The following TBXAS1 variants were observed in gnomAD, a reference collection of about 807,000 sequenced individuals.
The protein encoded by TBXAS1 is thromboxane A synthase 1.
Under a neutral mutation model 60.7 loss-of-function variants are expected in TBXAS1, and 48 were observed. The ratio of observed to expected loss-of-function variants is 0.79; its 90% CI spans 0.63 to 1.01. TBXAS1 has a LOEUF of 1.01. Ranked by LOEUF, TBXAS1 falls within the 50% of genes least tolerant of loss-of-function variation. TBXAS1 has a pLI of 0.00. For synonymous variants in TBXAS1, 287 were observed against 269.7 expected, an observed-to-expected ratio of 1.06 and a Z score of -0.63; for missense variants, 685 against 686.3, an observed-to-expected ratio of 1.00 and a Z score of 0.02.
intron 3 of TBXAS1, among the ~76,000 whole-genome samples, chr7:139,878,708 C>T (rs1027623428): frequency 2.0e-5 from 3 of 152,228 alleles, no homozygotes; most frequent in Non-Finnish European, 4.4e-5. Flanking sequence ...ATGGACTATG[C>T]TCAATGAACA....
intron 9 of TBXAS1, among the ~76,000 whole-genome samples, chr7:139,969,457 CAAAAAAAAAAA>C (rs71170928): frequency 1.4e-4 from 14 of 101,034 alleles, no homozygotes; most frequent in African/African-American, 2.7e-4. Context: ...TATGTGCTTA[CAAAAAAAAAAA>C]AAAAAAAAAA....
intron 4 of TBXAS1, among the ~76,000 whole-genome samples, chr7:139,918,977 C>A (rs118098963): frequency 1.3e-5 from 2 of 151,680 alleles, no homozygotes; most frequent in African/African-American, 4.8e-5. Flanking sequence ...TTTTTTTTTA[C>A]ATTTTAATTT....
At chr7:140,006,765 G>A (rs998124416) in intron 9 of TBXAS1, among the ~76,000 whole-genome samples, 1 of 152,184 alleles carries the variant, frequency 6.6e-6, no homozygotes, top group East Asian at 1.9e-4. Context: ...CATCAAATGC[G>A]GTAACGTCTA....
At chr7:139,964,725 A>G (rs1047607616) in intron 9 of TBXAS1, among the ~76,000 whole-genome samples, 2 of 152,258 alleles carry the variant, frequency 1.3e-5, no homozygotes, top group South Asian at 2.1e-4. Flanking sequence ...TCCATCGCCA[A>G]TTGAGAAGCA....
intron 1 of TBXAS1, among the ~76,000 whole-genome samples, chr7:139,841,541 A>G (rs1032528015): frequency 3.3e-5 from 5 of 151,220 alleles, no homozygotes; most frequent in African/African-American, 4.9e-5. Flanking sequence ...ACTTCGATTT[A>G]ATAACTCAGT....
intron 4 of TBXAS1, among the ~76,000 whole-genome samples, chr7:139,923,088 TG>T (rs1429618874): frequency 6.6e-6 from 1 of 152,080 alleles, no homozygotes; most frequent in Non-Finnish European, 1.5e-5. Context: ...AAGGCCAAGG[TG>T]GGGGAATTGT....
At chr7:139,898,978 C>T (rs13224278) in intron 3 of TBXAS1, among the ~76,000 whole-genome samples, 2 of 151,230 alleles carry the variant, frequency 1.3e-5, no homozygotes, top group Non-Finnish European at 2.9e-5. Flanking sequence ...CTGACAGTCT[C>T]GGGGGACCAA....
intron 3 of TBXAS1, among the ~76,000 whole-genome samples, chr7:139,905,005 C>CTCTTTCTTTCTTTCTT (rs775007248): frequency 0.011 from 997 of 90,382 alleles, 27 homozygotes; most frequent in East Asian, 0.018. Flanking sequence ...CTCTCTTTCT[C>CTCTTTCTTTCTTTCTT]TCTTTCTTTC....
chr7:139,787,497 T>G (rs1388062709), intron 4 of TBXAS1: 1 of 152,232 alleles, frequency 6.6e-6, no homozygotes, highest in Non-Finnish European at 1.5e-5. Flanking sequence ...TACAAACTTC[T>G]GGATGTTAAG....
chr7:139,819,088 A>C (rs1209172365), intron 4 of TBXAS1, among the ~76,000 whole-genome samples: 1 of 152,120 alleles, frequency 6.6e-6, no homozygotes. Context: ...ATGGGACCCC[A>C]CCTGTGGCAG....
intron 5 of TBXAS1, among the ~76,000 whole-genome samples, chr7:139,940,856 T>C (rs1373999327): frequency 6.6e-6 from 1 of 152,226 alleles, no homozygotes; most frequent in Non-Finnish European, 1.5e-5. Context: ...AGAAGCTTTC[T>C]ACCTATTCTG....
chr7:139,981,437 T>A (rs1811973602), intron 9 of TBXAS1, among the ~76,000 whole-genome samples: 1 of 152,246 alleles, frequency 6.6e-6, no homozygotes, highest in African/African-American at 2.4e-5. Flanking sequence ...AATATTAAAC[T>A]AGCTGACCGG....
chr7:140,005,556 A>G (rs1439271380), intron 9 of TBXAS1, among the ~76,000 whole-genome samples: 2 of 152,172 alleles, frequency 1.3e-5, no homozygotes, highest in African/African-American at 2.4e-5. Flanking sequence ...GTGGCCTGTG[A>G]TGGGAGTGGG....
At chr7:139,817,093 T>C (rs754752098) in intron 4 of TBXAS1, among the ~76,000 whole-genome samples, 6 of 152,142 alleles carry the variant, frequency 3.9e-5, no homozygotes, top group Non-Finnish European at 8.8e-5. Context: ...TTAAGAAATA[T>C]CTGAATCCTC....
intron 4 of TBXAS1, among the ~76,000 whole-genome samples, chr7:139,802,611 C>T (rs1436361955): frequency 1.3e-5 from 2 of 152,084 alleles, no homozygotes; most frequent in African/African-American, 4.8e-5. Flanking sequence ...ATGGTGAAGC[C>T]CCATGTCTGC....
intron 9 of TBXAS1, among the ~76,000 whole-genome samples, chr7:139,998,442 G>C (rs1455774446): frequency 1.3e-5 from 2 of 152,284 alleles, no homozygotes; most frequent in East Asian, 3.9e-4. Context: ...GTAGGCCCAG[G>C]TAATGGAAAA....
At position 139,868,572 on chromosome 7, in the gene TBXAS1, C is replaced by CCCCTGAGCTCAAGTGA. The variant is rs1178610463; in HGVS notation, c.90-3663_90-3662insCCCTGAGCTCAAGTGA. On this transcript the variant is annotated intron_variant, in intron 1 of 12. Coordinates refer to ENST00000448866, the MANE Select transcript of TBXAS1 (RefSeq NM_001061.7). ...AAAAGTAGCTCATTGTAGCCTCAAA[C>CCCCTGAGCTCAAGTGA]TCCTGAGCTCAAGTGATCCTCCCAT... Among the ~76,000 whole-genome samples the CCCCTGAGCTCAAGTGA allele has an allele frequency of 1.5e-4, 23 of 151,696 alleles. No individual in the cohort carries two copies. The East Asian group carries it at 4.3e-3, about 28-fold the overall frequency.
At chr7:139,913,358 A>G (rs1805692206) in intron 4 of TBXAS1, 5 of 547,670 alleles carry the variant, frequency 9.1e-6, no homozygotes, top group Non-Finnish European at 1.7e-5. Context: ...AAGTTGGAGA[A>G]GCCAATAAGT....
chr7:139,875,199 T>C (rs1009078436), intron 2 of TBXAS1, among the ~76,000 whole-genome samples: 3 of 152,270 alleles, frequency 2.0e-5, no homozygotes, highest in Non-Finnish European at 4.4e-5. Flanking sequence ...TGGATCATGA[T>C]AATTCAGAAT....
Sources: allele counts gnomAD v4.1 joint callset (sites outside exome capture counted in the v4.1 genomes callset), GRCh38; gene constraint gnomAD v4.1.1; transcripts MANE v1.5; gene names NCBI Gene and HGNC (gene_info 2026-07-23, HGNC 2026-07-21).